The following PDS5A variants were observed in gnomAD, a reference collection of about 807,000 sequenced individuals.
PDS5A encodes PDS5 cohesin associated factor A.
In PDS5A, 42 loss-of-function variants were observed where a neutral mutation model predicts 167.1. That is an observed-to-expected ratio of 0.25 (90% CI 0.20 to 0.33). The LOEUF (loss-of-function observed/expected upper bound fraction) is 0.33, where lower values mean the gene tolerates loss of function less well. Ranked by LOEUF, PDS5A falls within the 10% of genes least tolerant of loss-of-function variation. PDS5A has a pLI of 1.00. For missense variants in PDS5A, 1,033 were observed against 1,605.9 expected, an observed-to-expected ratio of 0.64 and a Z score of 6.10; for synonymous variants, 553 against 554.6, an observed-to-expected ratio of 1.00 and a Z score of 0.04.
chr4:39,964,034 T>C (rs1343787259), intron 2 of PDS5A, among the ~76,000 whole-genome samples: 2 of 151,946 alleles, frequency 1.3e-5, no homozygotes, highest in Non-Finnish European at 2.9e-5. Context: ...AGCCTGAAAT[T>C]AGCTATTTAT....
intron 8 of PDS5A, among the ~76,000 whole-genome samples, chr4:39,914,199 T>C (rs1260259503): frequency 2.0e-5 from 3 of 150,158 alleles, no homozygotes; most frequent in East Asian, 3.9e-4. Flanking sequence ...CTTGCACTGT[T>C]TTCCCAAGCT....
intron 13 of PDS5A, 125 bp downstream of exon 13, chr4:39,902,222 T>G (rs372784841): frequency 3.6e-6 from 2 of 550,668 alleles, no homozygotes; most frequent in South Asian, 5.8e-5. Context: ...TATAAATATT[T>G]ACCTGAGGTT....
chr4:39,877,156 G>A lies in PDS5A; in HGVS notation c.1993-3C>T. 6.6e-7 allele frequency: 1 copy of A among 1,524,736 alleles called. No individual in the cohort carries two copies. The highest frequency in any genetic ancestry group is 8.8e-7 in the Non-Finnish European group (1 of 1,131,380). The allele number at this position is 1,524,736 out of a possible 1,614,324, so 94.5% of individuals were successfully genotyped here. A position where few individuals can be genotyped will look rare whatever the true frequency, so the allele number is the denominator to read the frequency against. ...GTAGGATGTGTAAAAGACAGAACCT[G>A]AAAAAACAGATACAGCTTTAGAAGT... On this transcript the variant is annotated splice_region_variant and splice_polypyrimidine_tract_variant and intron_variant, in intron 18 of 32. Coordinates refer to ENST00000303538, the MANE Select transcript of PDS5A (RefSeq NM_001100399.2).
chr4:39,874,119 T>C (rs7698671), intron 20 of PDS5A, among the ~76,000 whole-genome samples, 170 bp downstream of exon 20: 104,514 of 152,066 alleles, frequency 0.69, 37,874 homozygotes, highest in Middle Eastern at 0.85. Flanking sequence ...ATCTACAGGC[T>C]GGGAATGCAG....
intron 2 of PDS5A, among the ~76,000 whole-genome samples, chr4:39,952,042 C>T (rs1363125615): frequency 6.6e-6 from 1 of 151,672 alleles, no homozygotes; most frequent in Non-Finnish European, 1.5e-5. Flanking sequence ...GGAATAACAA[C>T]CAATTGTCCA....
chr4:39,973,188 G>T, intron 2 of PDS5A: 1 of 1,024,904 alleles, frequency 9.8e-7, no homozygotes, highest in Non-Finnish European at 1.5e-6. Flanking sequence ...CTTTAGCTTG[G>T]TGGGCTTGTA....
intron 19 of PDS5A, among the ~76,000 whole-genome samples, chr4:39,876,017 T>C (rs1720432842): frequency 6.6e-6 from 1 of 152,100 alleles, no homozygotes; most frequent in South Asian, 2.1e-4. Context: ...ATCTCCTTTC[T>C]TCTCCATTGG....
chr4:39,845,926 G>A lies in PDS5A; in HGVS notation c.3340-46C>T, dbSNP rs769499823. On this transcript the variant is annotated intron_variant, in intron 28 of 32. Transcript: ENST00000303538. ...AAAGAAAAAAGAAACACCAATCAAA[G>A]GAACATGAGTATTTTAATTATCTCA... 2.4e-5 allele frequency: 30 copies of A among 1,256,704 alleles called. No homozygotes were observed. In the African/African-American group the frequency reaches 4.0e-4, roughly 17 times the overall value. The allele number at this position is 1,256,704 out of a possible 1,614,324, so 77.8% of individuals were successfully genotyped here. A position where few individuals can be genotyped will look rare whatever the true frequency, so the allele number is the denominator to read the frequency against.
intron 22 of PDS5A, among the ~76,000 whole-genome samples, chr4:39,867,471 T>C (rs1411249840): frequency 6.7e-6 from 1 of 149,956 alleles, no homozygotes; most frequent in Middle Eastern, 3.2e-3. Context: ...GGCAGGTGGA[T>C]CACTTGAGGT....
chr4:39,827,141 T>C (rs1355162283), intron 32 of PDS5A, among the ~76,000 whole-genome samples: 1 of 151,992 alleles, frequency 6.6e-6, no homozygotes, highest in African/African-American at 2.4e-5. Context: ...GCTGGGACTA[T>C]AGGTTGCGCC....
intron 22 of PDS5A, among the ~76,000 whole-genome samples, chr4:39,868,359 C>A (rs1719733050): frequency 6.6e-6 from 1 of 152,064 alleles, no homozygotes; most frequent in African/African-American, 2.4e-5. Flanking sequence ...GACCGAGTTT[C>A]ACTCTGTTGC....
chr4:39,859,206 C>CA (rs566589479), intron 26 of PDS5A, among the ~76,000 whole-genome samples: 89 of 152,072 alleles, frequency 5.9e-4, no homozygotes, highest in African/African-American at 2.1e-3. Flanking sequence ...CCACAATTAA[C>CA]AAAAAAATTG....
At chr4:39,946,370 A>G (rs1210045129) in intron 2 of PDS5A, among the ~76,000 whole-genome samples, 1 of 152,144 alleles carries the variant, frequency 6.6e-6, no homozygotes, top group Admixed American at 6.6e-5. Flanking sequence ...TACAGGCACG[A>G]TGAGAAACGG....
chr4:39,945,116 G>A (rs963551284), intron 2 of PDS5A, among the ~76,000 whole-genome samples: 4 of 151,976 alleles, frequency 2.6e-5, no homozygotes, highest in African/African-American at 4.8e-5. Flanking sequence ...TAATACCCCC[G>A]TTTAACAGAT....
At chr4:39,927,814 GAATA>G (rs1725601098) in intron 3 of PDS5A, 143 bp downstream of exon 3, 2 of 608,782 alleles carry the variant, frequency 3.3e-6, no homozygotes, top group Non-Finnish European at 5.7e-6. Flanking sequence ...CTAACTGAAT[GAATA>G]ATTTTGCAAC....
In PDS5A at chr4:39,878,925, G is replaced by A. The variant is rs113406193; in HGVS notation, c.1992+803C>T. On this transcript the variant is annotated intron_variant, in intron 18 of 32. Coordinates refer to ENST00000303538, the MANE Select transcript of PDS5A (RefSeq NM_001100399.2). ...CGTCTACCTAATTTTTGTATTTTTA[G>A]TAGAGACGGGGTTTCCCCATGTTGG... Among the ~76,000 whole-genome samples the A allele has an allele frequency of 7.9e-3, 1,199 of 152,104 alleles. 18 individuals carry two copies. The highest frequency in any genetic ancestry group is 0.027 in the African/African-American group (1,121 of 41,500).
chr4:39,834,125 C>T (rs946391513), intron 32 of PDS5A, among the ~76,000 whole-genome samples: 1 of 149,410 alleles, frequency 6.7e-6, no homozygotes, highest in Non-Finnish European at 1.5e-5. Context: ...GTTGAGCCTG[C>T]AGTGAGGCAA....
intron 11 of PDS5A, among the ~76,000 whole-genome samples, chr4:39,905,548 ACT>A (rs1482297937): frequency 1.3e-5 from 2 of 152,116 alleles, no homozygotes; most frequent in Non-Finnish European, 2.9e-5. Flanking sequence ...ACAGAGTGAG[ACT>A]CTGTCTCAAC....
At chr4:39,827,279 G>A (rs919186627) in intron 32 of PDS5A, among the ~76,000 whole-genome samples, 8 of 152,198 alleles carry the variant, frequency 5.3e-5, no homozygotes, top group Non-Finnish European at 8.8e-5. Context: ...TTACAGGCAT[G>A]AACCACTGGA....
Sources: allele counts gnomAD v4.1 joint callset (sites outside exome capture counted in the v4.1 genomes callset), GRCh38; gene constraint gnomAD v4.1.1; transcripts MANE v1.5; gene names NCBI Gene and HGNC (gene_info 2026-07-23, HGNC 2026-07-21).